Variants in TENM3 observed in about 807,000 individuals in gnomAD.
TENM3 encodes teneurin-3.
In TENM3, 63 loss-of-function variants were observed where a neutral mutation model predicts 255.1. The observed-to-expected ratio is 0.25, with a 90% CI of 0.20 to 0.30. The LOEUF is 0.30. TENM3 is among the 10% of genes least tolerant of loss of function. The probability of loss-of-function intolerance (pLI) is 1.00; values close to 1 mark genes in which losing one functional copy is unlikely to be tolerated. For missense variants in TENM3, 2,929 were observed against 3,461.1 expected (o/e 0.85, Z 3.86); for synonymous variants, 1,306 against 1,322.3 (o/e 0.99, Z 0.27).
chr4:181,866,243 C>T, the TENM3 span, among the ~76,000 whole-genome samples: 1 of 152,182 alleles, frequency 6.6e-6, no homozygotes, highest in African/African-American at 2.4e-5. Context: ...AGGCTGTTAA[C>T]TCTAAGCTAT....
chr4:182,538,796 G>A (rs1740585972), intron 3 of TENM3, among the ~76,000 whole-genome samples: 1 of 152,084 alleles, frequency 6.6e-6, no homozygotes, highest in Non-Finnish European at 1.5e-5. Context: ...TTTCCAAGAT[G>A]ACAGCTACAT....
intron 3 of TENM3, among the ~76,000 whole-genome samples, chr4:182,547,554 A>G (rs1266891466): frequency 6.6e-6 from 1 of 151,990 alleles, no homozygotes; most frequent in Non-Finnish European, 1.5e-5. Flanking sequence ...CCTCCGCCCC[A>G]TCCCATCTTC....
At chr4:182,301,911 C>T (rs1367547410) in intron 1 of TENM3, among the ~76,000 whole-genome samples, 3 of 152,168 alleles carry the variant, frequency 2.0e-5, no homozygotes, top group Non-Finnish European at 4.4e-5. Flanking sequence ...TGCAGAAGGG[C>T]AAGCTTCAGT....
At chr4:182,774,749 G>C (rs1764538126) in intron 23 of TENM3, among the ~76,000 whole-genome samples, 169 bp from the exon 24 acceptor site, 1 of 152,192 alleles carries the variant, frequency 6.6e-6, no homozygotes, top group South Asian at 2.1e-4. Context: ...ACCTCTGACA[G>C]CATGAAATGC....
chr4:181,829,835 G>A, the TENM3 span: 1 of 152,322 alleles, frequency 6.6e-6, no homozygotes, highest in Non-Finnish European at 1.5e-5. Flanking sequence ...TCCCCAGAGT[G>A]AGGAAGCTCA....
At chr4:181,495,126 ATAGTT>A in the TENM3 span, among the ~76,000 whole-genome samples, 1 of 152,202 alleles carries the variant, frequency 6.6e-6, no homozygotes, top group African/African-American at 2.4e-5. Context: ...CCTTGAGTTT[ATAGTT>A]TAGTTAATTA....
intron 5 of TENM3, among the ~76,000 whole-genome samples, chr4:182,631,210 C>T (rs748769345): frequency 2.0e-5 from 3 of 152,048 alleles, no homozygotes; most frequent in Non-Finnish European, 4.4e-5. Context: ...TTAATATACT[C>T]ATGTAGGGTT....
chr4:181,596,532 C>T, the TENM3 span, among the ~76,000 whole-genome samples: 3 of 152,140 alleles, frequency 2.0e-5, no homozygotes, highest in Non-Finnish European at 2.9e-5. Context: ...AACTTTTGCT[C>T]ACTAATGAAA....
At chr4:181,754,549 G>A in the TENM3 span, among the ~76,000 whole-genome samples, 1 of 152,086 alleles carries the variant, frequency 6.6e-6, no homozygotes, top group South Asian at 2.1e-4. Flanking sequence ...GGTAAAGAAG[G>A]GAAGAACATT....
chr4:181,746,928 A>G, the TENM3 span, among the ~76,000 whole-genome samples: 3 of 151,980 alleles, frequency 2.0e-5, no homozygotes, highest in Non-Finnish European at 4.4e-5. Flanking sequence ...CCATTGATGT[A>G]CCCTTTGGTC....
the TENM3 span, among the ~76,000 whole-genome samples, chr4:181,790,761 G>A: frequency 1.3e-5 from 2 of 152,152 alleles, no homozygotes; most frequent in Non-Finnish European, 2.9e-5. Flanking sequence ...AAACTGGACT[G>A]TATTCTTCTT....
At chr4:182,100,758 T>C in the TENM3 span, among the ~76,000 whole-genome samples, 68 of 88,646 alleles carry the variant, frequency 7.7e-4, 30 homozygotes, top group Admixed American at 2.5e-4. Context: ...CACATATATA[T>C]ACACATATAT....
At chr4:182,252,274 C>G (rs562290409) in intron 1 of TENM3, among the ~76,000 whole-genome samples, 1 of 152,080 alleles carries the variant, frequency 6.6e-6, no homozygotes, top group East Asian at 1.9e-4. Context: ...ATACACACGA[C>G]TTTCTTTCAT....
chr4:182,503,479 G>T (rs993310787), intron 3 of TENM3, among the ~76,000 whole-genome samples: 1 of 152,142 alleles, frequency 6.6e-6, no homozygotes, highest in Admixed American at 6.5e-5. Flanking sequence ...TTCATGAAAT[G>T]CACTTACTAC....
chr4:182,152,856 TG>T (rs1750439554), intron 1 of TENM3, among the ~76,000 whole-genome samples: 1 of 151,880 alleles, frequency 6.6e-6, no homozygotes, highest in Admixed American at 6.6e-5. Context: ...AGAAAAAAGA[TG>T]TAATTTTAAA....
chr4:181,881,820 G>GT, the TENM3 span, among the ~76,000 whole-genome samples: 1 of 152,150 alleles, frequency 6.6e-6, no homozygotes, highest in African/African-American at 2.4e-5. Flanking sequence ...ATTGTAACAT[G>GT]TAAGCTGAAC....
At chr4:182,572,955 A>G (rs563832767) in intron 3 of TENM3, among the ~76,000 whole-genome samples, 1 of 152,316 alleles carries the variant, frequency 6.6e-6, no homozygotes, top group Non-Finnish European at 1.5e-5. Context: ...TAGTTCATCT[A>G]GGTTCTAGGG....
chr4:182,533,240 C>G (rs11731641), intron 3 of TENM3, among the ~76,000 whole-genome samples: 16,120 of 152,172 alleles, frequency 0.11, 1,581 homozygotes, highest in African/African-American at 0.25. Flanking sequence ...GAATAGGGGT[C>G]TGCAATCTAT....
chr4:182,590,128 A>G (rs980665240), intron 3 of TENM3, among the ~76,000 whole-genome samples: 27 of 152,282 alleles, frequency 1.8e-4, no homozygotes, highest in African/African-American at 6.5e-4. Context: ...TAATATTCCA[A>G]TCCCAGGGAG....
Sources: gnomAD v4.1 joint callset for allele counts (sites outside exome capture counted in the v4.1 genomes callset) on GRCh38, gnomAD v4.1.1 for gene constraint, MANE v1.5 for transcripts, NCBI Gene and HGNC (gene_info 2026-07-23, HGNC 2026-07-21) for gene names.